Variants in ST6GALNAC3 observed in about 807,000 individuals in gnomAD.
ST6GALNAC3 encodes the protein ST6 N-acetylgalactosaminide alpha-2,6-sialyltransferase 3.
A neutral mutation model predicts 32.7 loss-of-function variants in ST6GALNAC3; 25 were observed. The ratio of observed to expected loss-of-function variants is 0.76; its 90% CI spans 0.56 to 1.07. The LOEUF (loss-of-function observed/expected upper bound fraction) is 1.07. Ranked by LOEUF, ST6GALNAC3 falls within the 50% of genes least tolerant of loss-of-function variation. The pLI is 0.00. For synonymous variants in ST6GALNAC3, 129 were observed against 133.1 expected, an observed-to-expected ratio of 0.97 and a Z score of 0.21; for missense variants, 355 against 382.4, an observed-to-expected ratio of 0.93 and a Z score of 0.60.
At chr1:76,193,895 C>T (rs1654049419) in intron 1 of ST6GALNAC3, among the ~76,000 whole-genome samples, 1 of 152,198 alleles carries the variant, frequency 6.6e-6, no homozygotes, top group Admixed American at 6.5e-5. Flanking sequence ...TATCTGGTGT[C>T]TCTTCTTACA....
chr1:76,082,684 G>A (rs1008282384), intron 1 of ST6GALNAC3, among the ~76,000 whole-genome samples: 1 of 152,074 alleles, frequency 6.6e-6, no homozygotes, highest in Non-Finnish European at 1.5e-5. Flanking sequence ...GCAGCCCTAG[G>A]GTAGGTGACA....
chr1:76,440,577 T>C (rs540632556), intron 3 of ST6GALNAC3, among the ~76,000 whole-genome samples: 9 of 152,360 alleles, frequency 5.9e-5, no homozygotes, highest in Admixed American at 5.9e-4. Flanking sequence ...TAGAATCTTT[T>C]TGTTCTTCAT....
intron 2 of ST6GALNAC3, among the ~76,000 whole-genome samples, chr1:76,408,052 T>C (rs1164997037): frequency 6.6e-6 from 1 of 152,090 alleles, no homozygotes; most frequent in Non-Finnish European, 1.5e-5. Context: ...TTCTTTCTTT[T>C]TGTCATGGCA....
intron 3 of ST6GALNAC3, among the ~76,000 whole-genome samples, chr1:76,434,521 G>A (rs900901094): frequency 5.9e-5 from 9 of 152,100 alleles, no homozygotes; most frequent in African/African-American, 1.9e-4. Flanking sequence ...TCCTTAAAGA[G>A]CTTCTTCTAC....
intron 3 of ST6GALNAC3, among the ~76,000 whole-genome samples, chr1:76,523,029 ATCCCCATGTG>A (rs1424132864): frequency 2.0e-5 from 3 of 152,198 alleles, no homozygotes; most frequent in Non-Finnish European, 4.4e-5. Context: ...GCCTAGGTCC[ATCCCCATGTG>A]TTCCAGTTTA....
chr1:76,083,148 G>A (rs929935138), intron 1 of ST6GALNAC3, among the ~76,000 whole-genome samples: 62 of 152,188 alleles, frequency 4.1e-4, no homozygotes, highest in African/African-American at 1.5e-3. Flanking sequence ...TGATCACAAG[G>A]GAATTGGAAG....
At chr1:76,589,344 A>G (rs1213272815) in intron 3 of ST6GALNAC3, among the ~76,000 whole-genome samples, 1 of 152,114 alleles carries the variant, frequency 6.6e-6, no homozygotes, top group Non-Finnish European at 1.5e-5. Flanking sequence ...ACCCTGAACT[A>G]AATTTTACCT....
chr1:76,489,146 C>T (rs540072558), intron 3 of ST6GALNAC3, among the ~76,000 whole-genome samples: 1 of 152,198 alleles, frequency 6.6e-6, no homozygotes, highest in South Asian at 2.1e-4. Context: ...TGAATGAATG[C>T]ATGGATGGAT....
intron 3 of ST6GALNAC3, among the ~76,000 whole-genome samples, chr1:76,462,526 A>AC (rs71967218): frequency 6.7e-6 from 1 of 149,912 alleles, no homozygotes; most frequent in African/African-American, 2.4e-5. Context: ...GGCAGCCAGC[A>AC]TTTTTTTTTT....
At chr1:76,109,134 C>A (rs990270090) in intron 1 of ST6GALNAC3, among the ~76,000 whole-genome samples, 1 of 152,094 alleles carries the variant, frequency 6.6e-6, no homozygotes, top group African/African-American at 2.4e-5. Context: ...AACAGTGGTA[C>A]CCAGGCCTCG....
intron 1 of ST6GALNAC3, among the ~76,000 whole-genome samples, chr1:76,127,060 A>G (rs1386308304): frequency 6.6e-6 from 1 of 152,218 alleles, no homozygotes; most frequent in African/African-American, 2.4e-5. Flanking sequence ...TTAAAAGGGA[A>G]GTTTTGAGGT....
intron 3 of ST6GALNAC3, among the ~76,000 whole-genome samples, chr1:76,460,486 C>T (rs976886833): frequency 6.6e-6 from 1 of 152,088 alleles, no homozygotes; most frequent in Non-Finnish European, 1.5e-5. Flanking sequence ...CCTTTCTTTT[C>T]CTTTGATCAT....
chr1:76,196,958 C>G (rs936790457), intron 1 of ST6GALNAC3, among the ~76,000 whole-genome samples: 4 of 152,162 alleles, frequency 2.6e-5, no homozygotes, highest in African/African-American at 7.2e-5. Flanking sequence ...TTATTTTTAT[C>G]TGAACAATAA....
chr1:76,327,927 G>A (rs557146743), intron 2 of ST6GALNAC3, among the ~76,000 whole-genome samples: 5 of 152,226 alleles, frequency 3.3e-5, no homozygotes, highest in African/African-American at 9.6e-5. Flanking sequence ...GTACTATGAT[G>A]CAGTCAAGTT....
chr1:76,457,435 A>C (rs908689669), intron 3 of ST6GALNAC3, among the ~76,000 whole-genome samples: 1 of 152,076 alleles, frequency 6.6e-6, no homozygotes, highest in African/African-American at 2.4e-5. Context: ...GAGGCATCAC[A>C]CTACCTGACT....
intron 3 of ST6GALNAC3, among the ~76,000 whole-genome samples, chr1:76,448,268 C>T (rs1571260230): frequency 6.6e-6 from 1 of 152,304 alleles, no homozygotes; most frequent in African/African-American, 2.4e-5. Context: ...CCAATTTCTC[C>T]TTTTGAATGG....
chr1:76,231,700 A>T (rs1445007855), intron 1 of ST6GALNAC3, among the ~76,000 whole-genome samples: 1 of 152,190 alleles, frequency 6.6e-6, no homozygotes, highest in African/African-American at 2.4e-5. Flanking sequence ...AATAATATCC[A>T]CTATAGGTAT....
intron 3 of ST6GALNAC3, among the ~76,000 whole-genome samples, chr1:76,590,387 A>G (rs895573666): frequency 5.3e-5 from 8 of 152,234 alleles, no homozygotes; most frequent in African/African-American, 1.9e-4. Context: ...AATTGCAAAT[A>G]TCAGATTACT....
chr1:76,137,809 G>A (rs1013148459), intron 1 of ST6GALNAC3, among the ~76,000 whole-genome samples: 2 of 152,180 alleles, frequency 1.3e-5, no homozygotes, highest in Non-Finnish European at 1.5e-5. Flanking sequence ...AGTTTAGCAG[G>A]AAATATCTAT....
Sources: allele counts gnomAD v4.1 joint callset (sites outside exome capture counted in the v4.1 genomes callset), GRCh38; gene constraint gnomAD v4.1.1; transcripts MANE v1.5; gene names NCBI Gene and HGNC (gene_info 2026-07-23, HGNC 2026-07-21).